Variants in NOX3 observed in about 807,000 individuals in gnomAD.
NOX3 encodes the protein NADPH oxidase catalytic subunit-like 3.
NOX3 carries 74 observed loss-of-function variants against 76.7 expected under a neutral mutation model. That is an observed-to-expected ratio of 0.96 (90% CI 0.80 to 1.17). The LOEUF (loss-of-function observed/expected upper bound fraction) is 1.17. NOX3 is among the 50% of genes most tolerant of loss of function. The pLI, the probability that NOX3 is intolerant of heterozygous loss-of-function variation, is 0.00. For synonymous variants in NOX3, 263 were observed against 261.1 expected (o/e 1.01, Z -0.07); for missense variants, 695 against 703.3 (o/e 0.99, Z 0.13).
intron 7 of NOX3, among the ~76,000 whole-genome samples, chr6:155,432,859 C>T (rs1382224814): frequency 1.3e-5 from 2 of 152,168 alleles, no homozygotes; most frequent in East Asian, 1.9e-4. Flanking sequence ...ATCTAGGAAG[C>T]GTCCCTGGGA....
intron 10 of NOX3, among the ~76,000 whole-genome samples, chr6:155,414,064 G>A (rs181050027): frequency 4.5e-4 from 69 of 152,154 alleles, no homozygotes; most frequent in African/African-American, 1.6e-3. Flanking sequence ...TTGCTTCCTC[G>A]TAATGGCTTT....
At chr6:155,435,750 G>A (rs1421224123) in intron 7 of NOX3, among the ~76,000 whole-genome samples, 1 of 152,106 alleles carries the variant, frequency 6.6e-6, no homozygotes, top group Non-Finnish European at 1.5e-5. Context: ...TACCAGAAGA[G>A]GCCAGATAGG....
intron 5 of NOX3, among the ~76,000 whole-genome samples, chr6:155,442,078 C>G (rs1776997492): frequency 6.6e-6 from 1 of 152,122 alleles, no homozygotes. Context: ...TCCTGGCTAA[C>G]ACAGTGAAAC....
intron 12 of NOX3, among the ~76,000 whole-genome samples, chr6:155,397,703 G>C (rs552265685): frequency 6.6e-6 from 1 of 152,176 alleles, no homozygotes; most frequent in East Asian, 1.9e-4. Flanking sequence ...GTTTTAAAAA[G>C]GTTAGTTATC....
rs6899569 is a variant in NOX3 at position 155,446,472 on chromosome 6, C to T, written c.341-3054G>A. Among the ~76,000 whole-genome samples the T allele has an allele frequency of 2.7e-3, 409 of 152,214 alleles. 2 individuals carry two copies. Among genetic ancestry groups the T allele is most frequent in the African/African-American group, 9.2e-3 (383 of 41,510 alleles). The stretch of plus-strand genomic sequence containing the variant: ...GCTGTAGGCATATTACCTGATTTAA[C>T]CCTCCTCAGGTATCAGCCTTCTTCT... On this transcript the variant is annotated intron_variant, in intron 4 of 13. Transcript: ENST00000159060.
chr6:155,453,003 T>C (rs1777167086), intron 4 of NOX3, among the ~76,000 whole-genome samples: 1 of 152,246 alleles, frequency 6.6e-6, no homozygotes, highest in South Asian at 2.1e-4. Flanking sequence ...TTCTTTTTTC[T>C]TTTTTATTGC....
chr6:155,427,067 C>T (rs1057153504), intron 9 of NOX3, among the ~76,000 whole-genome samples: 7 of 144,202 alleles, frequency 4.9e-5, no homozygotes, highest in Non-Finnish European at 1.5e-5. Context: ...CTGTGCAGTG[C>T]ATCTACTTTT....
chr6:155,442,069 C>A (rs1246590670), intron 5 of NOX3, among the ~76,000 whole-genome samples: 1 of 152,162 alleles, frequency 6.6e-6, no homozygotes, highest in Non-Finnish European at 1.5e-5. Flanking sequence ...TCAAGACCAT[C>A]CTGGCTAACA....
intron 4 of NOX3, among the ~76,000 whole-genome samples, chr6:155,451,227 C>T (rs532658724): frequency 6.6e-6 from 1 of 152,274 alleles, no homozygotes; most frequent in East Asian, 1.9e-4. Flanking sequence ...AATCCACCCG[C>T]CCCGGCCTCC....
At chr6:155,416,265 G>A (rs1407717548) in intron 10 of NOX3, among the ~76,000 whole-genome samples, 2 of 152,344 alleles carry the variant, frequency 1.3e-5, no homozygotes, top group South Asian at 2.1e-4. Context: ...GATGACAGAA[G>A]CTCTGCATAG....
intron 7 of NOX3, among the ~76,000 whole-genome samples, chr6:155,433,035 A>AT (rs1776854982): frequency 6.6e-6 from 1 of 152,158 alleles, no homozygotes; most frequent in Admixed American, 6.5e-5. Context: ...GTCTTCATAT[A>AT]TTTTTACAAA....
In NOX3 at chr6:155,413,955, A is replaced by C. The variant is rs144358617; in HGVS notation, c.1309-2595T>G. On this transcript the variant is annotated intron_variant, in intron 10 of 13. Transcript: ENST00000159060. ...CTATCCCCATCTTAGCTTCCTCCGT[A>C]CATGAAACTTTATCTTTTCAAATAG... Among the ~76,000 whole-genome samples the C allele has an allele frequency of 1.5e-3, 234 of 152,338 alleles. 2 individuals are homozygous for C. Among genetic ancestry groups the C allele is most frequent in the African/African-American group, 5.2e-3 (217 of 41,576 alleles).
intron 4 of NOX3, among the ~76,000 whole-genome samples, chr6:155,446,255 G>A (rs938931008): frequency 6.6e-6 from 1 of 151,936 alleles, no homozygotes; most frequent in African/African-American, 2.4e-5. Context: ...AGCTGGAAAG[G>A]CTTATCTAGC....
chr6:155,446,251 A>C (rs1397824409), intron 4 of NOX3, among the ~76,000 whole-genome samples: 3 of 152,016 alleles, frequency 2.0e-5, no homozygotes, highest in African/African-American at 7.2e-5. Flanking sequence ...ACAAAGCTGG[A>C]AAGGCTTATC....
In NOX3 at chr6:155,411,270, C is replaced by T. The variant is rs1398776215; in HGVS notation, c.1399G>A (p.Gly467Arg). Reference protein sequence around the residue: ...LSLETRMSEQGKTHFLSYHIF... With the variant: ...LSLETRMSEQRKTHFLSYHIF... ...TGATAACTCAGAAAGTGAGTTTTCC[C>T]CTGCTCACTCATCCGTGTTTCCAGG... is the stretch of plus-strand genomic sequence containing the variant. Residue 467 changes from glycine (G) to arginine (R), a missense_variant, in exon 11 of 14, where the codon GGG (glycine) becomes AGG (arginine). Coordinates refer to ENST00000159060, the MANE Select transcript of NOX3 (RefSeq NM_015718.3). The T allele has an allele frequency of 1.2e-6, 2 of 1,613,918 alleles. No homozygotes were observed. The highest frequency in any genetic ancestry group is 8.5e-7 in the Non-Finnish European group (1 of 1,179,850).
chr6:155,411,398 T>A, intron 10 of NOX3, 38 bp from the exon 11 acceptor site: 1 of 1,575,208 alleles, frequency 6.3e-7, no homozygotes, highest in Non-Finnish European at 8.6e-7. Context: ...ATCTATTCTC[T>A]TTTCATATGT....
At chr6:155,440,455 A>C (rs1776968966) in intron 5 of NOX3, among the ~76,000 whole-genome samples, 1 of 151,798 alleles carries the variant, frequency 6.6e-6, no homozygotes, top group Admixed American at 6.6e-5. Context: ...AAGTTATTAT[A>C]CTGGAAAAAA....
chr6:155,405,486 C>T (rs1300380414), intron 12 of NOX3, among the ~76,000 whole-genome samples: 1 of 152,164 alleles, frequency 6.6e-6, no homozygotes, highest in Non-Finnish European at 1.5e-5. Context: ...TGTGCTCACA[C>T]CTCTGGCTGA....
At chr6:155,404,717 A>G (rs1198632900) in intron 12 of NOX3, among the ~76,000 whole-genome samples, 6 of 151,918 alleles carry the variant, frequency 3.9e-5, no homozygotes, top group Admixed American at 6.6e-5. Context: ...CCTTCAAACC[A>G]TCTCTTCCCA....
Sources: allele counts gnomAD v4.1 joint callset (sites outside exome capture counted in the v4.1 genomes callset), GRCh38; gene constraint gnomAD v4.1.1; transcripts MANE v1.5; gene names NCBI Gene and HGNC (gene_info 2026-07-23, HGNC 2026-07-21).